Variants in ANKRD31 observed in about 807,000 individuals in gnomAD.
ANKRD31 encodes the protein ankyrin repeat domain 31, also known as ankyrin repeat domain-containing protein 31.
A neutral mutation model predicts 186.0 loss-of-function variants in ANKRD31; 147 were observed. That is an observed-to-expected ratio of 0.79 (90% CI 0.69 to 0.91). ANKRD31 has a LOEUF of 0.91. ANKRD31 is among the 40% of genes least tolerant of loss of function. The pLI, the probability that ANKRD31 is intolerant of heterozygous loss-of-function variation, is 0.00. For synonymous variants in ANKRD31, 673 were observed against 736.4 expected (o/e 0.91, Z 1.39); for missense variants, 1,986 against 2,148.8 (o/e 0.92, Z 1.50).
Position 75,088,025 on chromosome 5 carries a change from C to T in ANKRD31, c.5472+3236G>A, listed in dbSNP as rs529780186. On this transcript the variant is annotated intron_variant, in intron 23 of 25. Coordinates refer to ENST00000506364, the MANE Select transcript of ANKRD31 (RefSeq NM_001372053.1). ...TTTTAAAAGAGATCACATATCTAAC[C>T]ATCTCCTTCCTCTTCTTTCTGTTCT... Among the ~76,000 whole-genome samples the T allele has an allele frequency of 6.6e-5, 10 of 152,290 alleles. No homozygotes were observed. The South Asian group carries it at 2.1e-3, about 32-fold the overall frequency.
intron 4 of ANKRD31, among the ~76,000 whole-genome samples, chr5:75,208,486 T>C (rs1756397892): frequency 6.6e-6 from 1 of 151,704 alleles, no homozygotes; most frequent in Non-Finnish European, 1.5e-5. Flanking sequence ...CAGAATTTCC[T>C]TATCTGACTG....
At chr5:75,107,648 C>T in intron 20 of ANKRD31, 31 bp from the exon 21 acceptor site, 2 of 1,371,156 alleles carry the variant, frequency 1.5e-6, no homozygotes, top group Non-Finnish European at 2.0e-6. Context: ...AGTTAGCTAA[C>T]TGAGGGAGAG....
intron 5 of ANKRD31, among the ~76,000 whole-genome samples, chr5:75,206,191 C>A: frequency 9.2e-6 from 1 of 108,782 alleles, no homozygotes; most frequent in Non-Finnish European, 1.9e-5. Flanking sequence ...CTAATCTGAG[C>A]AACATAGCAA....
At chr5:75,095,663 T>C (rs1746264556) in intron 22 of ANKRD31, among the ~76,000 whole-genome samples, 2 of 152,170 alleles carry the variant, frequency 1.3e-5, no homozygotes, top group African/African-American at 4.8e-5. Context: ...GGTTATCAGA[T>C]TGCAAGGCTT....
chr5:75,177,251 G>A (rs541765411), intron 10 of ANKRD31, among the ~76,000 whole-genome samples: 44 of 152,264 alleles, frequency 2.9e-4, no homozygotes, highest in Non-Finnish European at 4.6e-4. Flanking sequence ...CCAAATCTAC[G>A]TCTAATTGCC....
chr5:75,225,910 G>C (rs1757596938), intron 2 of ANKRD31, among the ~76,000 whole-genome samples: 1 of 152,168 alleles, frequency 6.6e-6, no homozygotes, highest in Admixed American at 6.5e-5. Context: ...GACCTGCCCT[G>C]GGCCACAGGG....
At chr5:75,088,705 C>CCTGGTT (rs1422944600) in intron 23 of ANKRD31, among the ~76,000 whole-genome samples, 3 of 152,178 alleles carry the variant, frequency 2.0e-5, no homozygotes, top group Non-Finnish European at 2.9e-5. Flanking sequence ...AGGTTCTAGT[C>CCTGGTT]CTGGTTCTGG....
intron 11 of ANKRD31, among the ~76,000 whole-genome samples, chr5:75,158,021 A>G (rs1010478732): frequency 5.3e-5 from 8 of 152,206 alleles, no homozygotes; most frequent in Admixed American, 3.3e-4. Context: ...TAGCGAATAG[A>G]TAGTCAAAGA....
intron 25 of ANKRD31, among the ~76,000 whole-genome samples, chr5:75,071,943 C>T (rs766846560): frequency 6.6e-5 from 10 of 152,126 alleles, no homozygotes; most frequent in Non-Finnish European, 8.8e-5. Context: ...CACAAAGCCC[C>T]ATCACTTTAC....
At chr5:75,218,322 T>C (rs1757084156) in intron 3 of ANKRD31, among the ~76,000 whole-genome samples, 1 of 152,136 alleles carries the variant, frequency 6.6e-6, no homozygotes, top group Non-Finnish European at 1.5e-5. Flanking sequence ...AACACCTCTA[T>C]GCACATAAAT....
chr5:75,074,389 C>A (rs999225060), intron 25 of ANKRD31, among the ~76,000 whole-genome samples: 10 of 152,186 alleles, frequency 6.6e-5, no homozygotes, highest in African/African-American at 2.4e-4. Context: ...CATTCCCTAC[C>A]CATTTCATTC....
intron 11 of ANKRD31, among the ~76,000 whole-genome samples, chr5:75,158,569 A>C (rs547229934): frequency 6.6e-6 from 1 of 152,290 alleles, no homozygotes; most frequent in South Asian, 2.1e-4. Flanking sequence ...TGAGGCCAGC[A>C]GTTCTAAACC....
intron 17 of ANKRD31, among the ~76,000 whole-genome samples, chr5:75,123,306 G>C (rs1292507630): frequency 6.6e-6 from 1 of 151,868 alleles, no homozygotes; most frequent in Non-Finnish European, 1.5e-5. Context: ...TAAACTAATG[G>C]AAAAACACTT....
chr5:75,110,655 G>A (rs1351284912), intron 20 of ANKRD31, among the ~76,000 whole-genome samples: 2 of 150,568 alleles, frequency 1.3e-5, no homozygotes, highest in Admixed American at 1.3e-4. Flanking sequence ...GTTCCAGTGA[G>A]CTGAGATCAC....
At chr5:75,161,501 G>A (rs1752568161) in intron 11 of ANKRD31, among the ~76,000 whole-genome samples, 1 of 152,202 alleles carries the variant, frequency 6.6e-6, no homozygotes, top group South Asian at 2.1e-4. Flanking sequence ...TGGAAAATTT[G>A]CAGCCTGACA....
At chr5:75,117,845 TTCAATTACATCTCTATC>T (rs1421729866) in intron 18 of ANKRD31, among the ~76,000 whole-genome samples, 6 of 152,192 alleles carry the variant, frequency 3.9e-5, no homozygotes, top group Non-Finnish European at 7.4e-5. Context: ...TCTGCCTGGC[TTCAATTACATCTCTATC>T]TCAAACCCAA....
Position 75,068,643 on chromosome 5 carries a change from T to C in ANKRD31, c.5669A>G (p.Gln1890Arg), listed in dbSNP as rs758848332. 3 of 1,513,050 alleles carry C rather than the reference T, an allele frequency of 2.0e-6. No homozygotes were observed. The South Asian group carries it at 3.9e-5, about 20-fold the overall frequency. The allele number at this position is 1,513,050 out of a possible 1,614,324, so 93.7% of individuals were successfully genotyped here. Residue 1890 changes from glutamine to arginine, a missense_variant, in exon 26 of 26, where the codon CAA (glutamine) becomes CGA (arginine). By Grantham distance (43) the Gln-to-Arg change is conservative. Coordinates refer to ENST00000506364, the MANE Select transcript of ANKRD31 (RefSeq NM_001372053.1). ...FGQGTSRESM[Q>R]SSPRYLQINE... is the part of the protein sequence containing the mutation. ...TATTTGTAGATAACGTGGGCTGCTT[T>C]GCATTGACTCTCTGGAAGTTCCTGT...
intron 22 of ANKRD31, 87 bp from the exon 23 acceptor site, chr5:75,091,488 A>T (rs1745917827): frequency 3.3e-6 from 4 of 1,222,962 alleles, no homozygotes; most frequent in Non-Finnish European, 4.5e-6. Flanking sequence ...AGTAACAGGG[A>T]CCACATATAC....
intron 4 of ANKRD31, among the ~76,000 whole-genome samples, chr5:75,210,358 G>C (rs1756538422): frequency 6.6e-6 from 1 of 152,142 alleles, no homozygotes. Flanking sequence ...TTTTTTATTA[G>C]AGATGGGGTT....
Sources: allele counts gnomAD v4.1 joint callset (sites outside exome capture counted in the v4.1 genomes callset), GRCh38; gene constraint gnomAD v4.1.1; transcripts MANE v1.5; gene names NCBI Gene and HGNC (gene_info 2026-07-23, HGNC 2026-07-21).